The following TCF25 variants were observed in gnomAD, a reference collection of about 807,000 sequenced individuals.
The protein encoded by TCF25 is ribosome quality control complex subunit TCF25.
Under a neutral mutation model 83.1 loss-of-function variants are expected in TCF25, and 41 were observed. The ratio of observed to expected loss-of-function variants is 0.49; its 90% CI spans 0.38 to 0.64. TCF25 has a LOEUF of 0.64. Among genes scored for constraint, TCF25 ranks in the 30% least tolerant of loss-of-function variants. The probability of loss-of-function intolerance (pLI) is 0.00; values close to 1 mark genes in which losing one functional copy is unlikely to be tolerated. For synonymous variants in TCF25, 458 were observed against 365.0 expected (o/e 1.25, Z -2.90); for missense variants, 979 against 914.5 (o/e 1.07, Z -0.91).
Position 89,904,990 on chromosome 16 carries a change from T to C in TCF25, c.1522T>C (p.Phe508Leu), listed in dbSNP as rs776771119. ...LVNLYLGRSH[F>L]LWKEPATMSW... Reference sequence around the variant, plus strand: ...GAACCTGTACCTTGGGAGGTCACACTTTCTCTGGAAAGAGCCCGCCACCAT... The same window carrying C: ...GAACCTGTACCTTGGGAGGTCACACCTTCTCTGGAAAGAGCCCGCCACCAT... The change falls in exon 14 of 18, where the codon TTT becomes CTT. Residue 508 changes from phenylalanine (F) to leucine (L), a missense_variant. By Grantham distance (22) the Phe-to-Leu change is conservative (BLOSUM62 0). Transcript: ENST00000263346. 8.7e-6 allele frequency: 14 copies of C among 1,607,800 alleles called. No homozygotes were observed. The highest frequency in any genetic ancestry group is 1.6e-4 in the Middle Eastern group (1 of 6,080).
chr16:89,901,305 C>T (rs757792234), intron 12 of TCF25, among the ~76,000 whole-genome samples: 9 of 152,330 alleles, frequency 5.9e-5, no homozygotes, highest in Non-Finnish European at 2.9e-5. Context: ...GGTCAGACCT[C>T]GGGGCTGACC....
At chr16:89,908,965 G>A in intron 16 of TCF25, 1 of 1,289,472 alleles carries the variant, frequency 7.8e-7, no homozygotes, top group Non-Finnish European at 1.0e-6. Flanking sequence ...TCCCCTCACA[G>A]GAAGGGAGAG....
chr16:89,906,414 G>A (rs2044788622), intron 15 of TCF25, 130 bp downstream of exon 15: 7 of 849,716 alleles, frequency 8.2e-6, no homozygotes, highest in Admixed American at 4.2e-5. Flanking sequence ...GCCACGGCAG[G>A]GGCAGGGTCT....
chr16:89,895,079 G>T lies in TCF25; in HGVS notation c.870G>T (p.Leu290=). The change falls in exon 8 of 18, where the codon CTG becomes CTT. Residue 290 remains leucine, a synonymous_variant. Transcript: ENST00000263346. Reference sequence around the variant, plus strand: ...GCCCTTACCACGTTGACTCACTCCTGCAGCTCAGCGATGCCTGCCGCTTTC... The same window carrying T: ...GCCCTTACCACGTTGACTCACTCCTTCAGCTCAGCGATGCCTGCCGCTTTC... ...QTSPYHVDSL[L]QLSDACRFQE... 1 of 1,613,322 alleles carries T rather than the reference G, an allele frequency of 6.2e-7. No homozygotes were observed. The highest frequency in any genetic ancestry group is 2.2e-5 in the East Asian group (1 of 44,866).
At chr16:89,892,953 G>C (rs79888409) in intron 6 of TCF25, among the ~76,000 whole-genome samples, 2,306 of 152,352 alleles carry the variant, frequency 0.015, 60 homozygotes, top group African/African-American at 0.05. Context: ...CTGTGTCTGT[G>C]GGGGTGCCGG....
rs1219721648 is a variant in TCF25 at position 89,873,787 on chromosome 16, G to A, written c.120G>A (p.Lys40=). 6.2e-7 allele frequency: 1 copy of A among 1,607,758 alleles called. No homozygotes were observed. ...DDDDAEEEGP[K]RELGVRRPGG... is the part of the protein sequence containing the mutation. ...ATGACGCGGAAGAAGAAGGGCCCAA[G>A]CGGGAGCTTGGTGTCCGGCGTCCCG... The change falls in exon 1 of 18, where the codon AAG becomes AAA. Residue 40 remains lysine, a synonymous_variant. Coordinates refer to ENST00000263346, the MANE Select transcript of TCF25 (RefSeq NM_014972.3).
chr16:89,910,409 G>A (rs1316435073), intron 16 of TCF25, 182 bp from the exon 17 acceptor site: 2 of 631,282 alleles, frequency 3.2e-6, no homozygotes, highest in Non-Finnish European at 5.6e-6. Flanking sequence ...CTAAGCTGAT[G>A]AGGAAGCCTC....
intron 11 of TCF25, among the ~76,000 whole-genome samples, chr16:89,899,114 C>T (rs774942674): frequency 9.2e-5 from 14 of 152,160 alleles, no homozygotes; most frequent in Non-Finnish European, 1.6e-4. Context: ...TACACATGCT[C>T]AAACGTGTGT....
intron 16 of TCF25, among the ~76,000 whole-genome samples, chr16:89,907,527 CAGT>C (rs2044969008): frequency 7.2e-6 from 1 of 138,304 alleles, no homozygotes; most frequent in Non-Finnish European, 1.6e-5. Flanking sequence ...TCCCTCCTCC[CAGT>C]TCCTACCTCC....
At chr16:89,895,760 G>A (rs969521123) in intron 8 of TCF25, among the ~76,000 whole-genome samples, 4 of 152,224 alleles carry the variant, frequency 2.6e-5, no homozygotes, top group African/African-American at 9.6e-5. Flanking sequence ...GGCAGCAGTT[G>A]TGCCTCATGG....
rs2041920843 is a variant in TCF25, at chr16:89,873,660, T to C, written c.-8T>C. 2.6e-6 allele frequency: 4 copies of C among 1,566,168 alleles called. No homozygotes were observed. Among genetic ancestry groups the C allele is most frequent in the Non-Finnish European group, 3.4e-6 (4 of 1,162,382 alleles). ...CCCTCTCTCCAGACGTCGTGGTCGT[T>C]CGGTCCTATGTCGCGCCGGGCCCTC... On this transcript the variant is annotated 5_prime_UTR_variant, in exon 1 of 18. Transcript: ENST00000263346.
chr16:89,907,538 T>C, intron 16 of TCF25, among the ~76,000 whole-genome samples: 3 of 86,546 alleles, frequency 3.5e-5, no homozygotes, highest in South Asian at 4.6e-4. Context: ...AGTTCCTACC[T>C]CCCATCTCCC....
intron 1 of TCF25, among the ~76,000 whole-genome samples, chr16:89,880,603 A>G (rs1008640340): frequency 1.3e-5 from 2 of 151,912 alleles, no homozygotes; most frequent in Non-Finnish European, 2.9e-5. Flanking sequence ...AAAAAAAAAA[A>G]GTAAATTGGG....
intron 5 of TCF25, among the ~76,000 whole-genome samples, chr16:89,891,230 C>G (rs896834659): frequency 6.6e-6 from 1 of 152,220 alleles, no homozygotes; most frequent in East Asian, 1.9e-4. Flanking sequence ...TGTGGGATAG[C>G]TCACCGCAGG....
In TCF25 at chr16:89,873,863, A is replaced by G; in HGVS notation, c.192+4A>G. 9.1e-7 allele frequency: 1 copy of G among 1,096,652 alleles called. No individual in the cohort carries two copies. The highest frequency in any genetic ancestry group is 1.2e-6 in the Non-Finnish European group (1 of 823,628). The allele number at this position is 1,096,652 out of a possible 1,614,324, so 67.9% of individuals were successfully genotyped here. ...AGTCAACAACCGCTTCGAGCTGGTG[A>G]GGAGCGCGGCGGCCCGGGTGGGGGT... is the stretch of plus-strand genomic sequence containing the variant. On this transcript the variant is annotated splice_donor_region_variant and intron_variant, in intron 1 of 17. Transcript: ENST00000263346.
chr16:89,877,586 A>C (rs930627741), intron 1 of TCF25, among the ~76,000 whole-genome samples: 1 of 152,202 alleles, frequency 6.6e-6, no homozygotes, highest in Admixed American at 6.6e-5. Context: ...CTTCTACCTT[A>C]AACTAGAAAA....
At chr16:89,882,631 G>C (rs2042695054) in intron 1 of TCF25, among the ~76,000 whole-genome samples, 1 of 152,198 alleles carries the variant, frequency 6.6e-6, no homozygotes, top group African/African-American at 2.4e-5. Context: ...CTGTTGCCCA[G>C]GCTGGAGGGT....
At chr16:89,896,323 C>T (rs2043844872) in intron 9 of TCF25, among the ~76,000 whole-genome samples, 2 of 152,154 alleles carry the variant, frequency 1.3e-5, no homozygotes, top group East Asian at 1.9e-4. Flanking sequence ...AGTGGGAGGT[C>T]TGCTGAGCCC....
At chr16:89,881,962 T>C (rs918505189) in intron 1 of TCF25, among the ~76,000 whole-genome samples, 1 of 151,620 alleles carries the variant, frequency 6.6e-6, no homozygotes, top group Non-Finnish European at 1.5e-5. Flanking sequence ...ACCATGTTGG[T>C]CAGGCTGGTC....
Sources: gnomAD v4.1 joint callset for allele counts (sites outside exome capture counted in the v4.1 genomes callset) on GRCh38, gnomAD v4.1.1 for gene constraint, MANE v1.5 for transcripts, NCBI Gene and HGNC (gene_info 2026-07-23, HGNC 2026-07-21) for gene names.